PCDH15: variants seen among roughly 807,000 people sequenced by gnomAD.
PCDH15 encodes protocadherin-15.
Under a neutral mutation model 178.5 loss-of-function variants are expected in PCDH15, and 129 were observed. The observed-to-expected ratio is 0.72, with a 90% confidence interval of 0.63 to 0.84. The LOEUF (loss-of-function observed/expected upper bound fraction) is 0.84. Among genes scored for constraint, PCDH15 ranks in the 40% least tolerant of loss-of-function variants. PCDH15 has a pLI of 0.00. For synonymous variants in PCDH15, 800 were observed against 732.0 expected (o/e 1.09, Z -1.50); for missense variants, 2,230 against 2,099.9 (o/e 1.06, Z -1.21).
At chr10:53,974,651 C>A (rs1232277331) in intron 21 of PCDH15, among the ~76,000 whole-genome samples, 1 of 152,128 alleles carries the variant, frequency 6.6e-6, no homozygotes, top group African/African-American at 2.4e-5. Context: ...TATAGAATAT[C>A]ATATTCCACA....
At chr10:54,527,708 G>A (rs941527223) in intron 3 of PCDH15, 104 bp downstream of exon 3, 2 of 872,270 alleles carry the variant, frequency 2.3e-6, no homozygotes, top group African/African-American at 1.7e-5. Context: ...ATGGATTTGG[G>A]TTGAAACTTT....
chr10:54,412,577 G>A (rs1415106416), intron 3 of PCDH15, among the ~76,000 whole-genome samples: 1 of 152,070 alleles, frequency 6.6e-6, no homozygotes, highest in Non-Finnish European at 1.5e-5. Flanking sequence ...GATCCTTCCA[G>A]GTTCTAACTT....
intron 9 of PCDH15, among the ~76,000 whole-genome samples, chr10:54,217,064 G>A (rs532661462): frequency 1.3e-5 from 2 of 152,110 alleles, no homozygotes; most frequent in South Asian, 4.2e-4. Context: ...TTTAAAAATC[G>A]AAGATAGACT....
At chr10:54,388,493 G>A (rs367870139) in intron 3 of PCDH15, among the ~76,000 whole-genome samples, 4 of 152,090 alleles carry the variant, frequency 2.6e-5, no homozygotes, top group Admixed American at 6.6e-5. Context: ...GCATGCCTTC[G>A]TGACCTCTAA....
chr10:54,442,442 A>C (rs1160948491), intron 3 of PCDH15, among the ~76,000 whole-genome samples: 1 of 120,952 alleles, frequency 8.3e-6, no homozygotes, highest in Admixed American at 8.0e-5. Flanking sequence ...ATATATATAT[A>C]TATATATATA....
intron 1 of PCDH15, among the ~76,000 whole-genome samples, chr10:55,282,504 C>G (rs2132258685): frequency 6.6e-6 from 1 of 152,236 alleles, no homozygotes; most frequent in African/African-American, 2.4e-5. Context: ...TGAATATATA[C>G]ACATATATAA....
chr10:54,018,210 C>T (rs1400983456), intron 20 of PCDH15, among the ~76,000 whole-genome samples: 2 of 152,084 alleles, frequency 1.3e-5, no homozygotes, highest in African/African-American at 4.8e-5. Context: ...CCCTCAGAGA[C>T]ATTTGTGTTG....
intron 1 of PCDH15, among the ~76,000 whole-genome samples, chr10:55,316,233 A>G (rs1455923283): frequency 6.6e-6 from 1 of 152,182 alleles, no homozygotes; most frequent in Non-Finnish European, 1.5e-5. Flanking sequence ...ATGCCATTAC[A>G]GCATTTTTTC....
chr10:55,204,103 ATATACT>A (rs1474871367), intron 1 of PCDH15, among the ~76,000 whole-genome samples: 1 of 149,010 alleles, frequency 6.7e-6, no homozygotes, highest in African/African-American at 2.4e-5. Context: ...ATTATATATC[ATATACT>A]TATATTTTAT....
intron 26 of PCDH15, among the ~76,000 whole-genome samples, chr10:53,899,142 C>CGGGGG (rs57832917): frequency 7.2e-6 from 1 of 139,764 alleles, no homozygotes; most frequent in Non-Finnish European, 1.6e-5. Flanking sequence ...TACTTTTTTT[C>CGGGGG]GGGGGGGGGT....
chr10:55,037,021 T>C (rs892115941), intron 2 of PCDH15, among the ~76,000 whole-genome samples: 2 of 152,136 alleles, frequency 1.3e-5, no homozygotes, highest in African/African-American at 2.4e-5. Flanking sequence ...ACATGGAAAA[T>C]TGAAAATTAA....
chr10:53,921,531 C>T (rs1298580076), intron 25 of PCDH15, among the ~76,000 whole-genome samples: 1 of 152,088 alleles, frequency 6.6e-6, no homozygotes, highest in Non-Finnish European at 1.5e-5. Flanking sequence ...TTCACTTCAC[C>T]CCTGGCCAAG....
At chr10:55,301,806 T>C (rs888206271) in intron 1 of PCDH15, among the ~76,000 whole-genome samples, 29 of 152,156 alleles carry the variant, frequency 1.9e-4, no homozygotes, top group African/African-American at 6.8e-4. Context: ...TTATTATATA[T>C]GGATGTTCAA....
At chr10:54,763,921 G>A (rs1196290913) in intron 1 of PCDH15, among the ~76,000 whole-genome samples, 1 of 151,242 alleles carries the variant, frequency 6.6e-6, no homozygotes, top group East Asian at 1.9e-4. Flanking sequence ...GATTTCCTAG[G>A]GAAACTTATG....
intron 2 of PCDH15, among the ~76,000 whole-genome samples, chr10:55,406,782 A>G (rs1838206739): frequency 6.6e-6 from 1 of 150,976 alleles, no homozygotes; most frequent in African/African-American, 2.4e-5. Flanking sequence ...TGAGACTGAC[A>G]GGAGAGTGAG....
Position 53,827,384 on chromosome 10 carries a change from T to A in PCDH15, c.4367+9A>T. ...ACTACTTCTCAGAGTTCCTGAACGGTCTACTTACATTGAGCTGTCTCCAAG... is the reference window on the plus strand; with the variant it reads ...ACTACTTCTCAGAGTTCCTGAACGGACTACTTACATTGAGCTGTCTCCAAG... On this transcript the variant is annotated intron_variant, in intron 32 of 37. Transcript: ENST00000644397. 6.2e-7 allele frequency: 1 copy of A among 1,607,746 alleles called. No homozygotes were observed. The highest frequency in any genetic ancestry group is 8.5e-7 in the Non-Finnish European group (1 of 1,175,946).
At chr10:54,543,176 G>A (rs1461403389) in intron 2 of PCDH15, among the ~76,000 whole-genome samples, 1 of 152,174 alleles carries the variant, frequency 6.6e-6, no homozygotes, top group East Asian at 1.9e-4. Context: ...TTGGCTGAGA[G>A]CTACTTCCAC....
intron 2 of PCDH15, among the ~76,000 whole-genome samples, chr10:55,398,762 T>A (rs148674524): frequency 2.0e-5 from 3 of 152,130 alleles, no homozygotes; most frequent in Non-Finnish European, 4.4e-5. Flanking sequence ...TCGCCAAGTA[T>A]TGGGGTTTTT....
At position 54,309,656 on chromosome 10, in the gene PCDH15, T is replaced by C. The variant is rs375641671; in HGVS notation, c.876+7615A>G. Among the ~76,000 whole-genome samples, 325 of 151,762 alleles carry C rather than the reference T, an allele frequency of 2.1e-3. 1 individual carries two copies. The highest frequency in any genetic ancestry group is 5.5e-3 in the African/African-American group (228 of 41,426). The stretch of plus-strand genomic sequence containing the variant: ...TGAAAAAATACAAAAATTAGCCGGG[T>C]GTGGTGGCACATGCTGGTAGTCTCA... On this transcript the variant is annotated intron_variant, in intron 8 of 37. Coordinates refer to ENST00000644397, the MANE Select transcript of PCDH15 (RefSeq NM_001384140.1).
Sources: allele counts gnomAD v4.1 joint callset (sites outside exome capture counted in the v4.1 genomes callset), GRCh38; gene constraint gnomAD v4.1.1; transcripts MANE v1.5; gene names NCBI Gene and HGNC (gene_info 2026-07-23, HGNC 2026-07-21).